Variants in SDK2 observed in about 807,000 individuals in gnomAD.
The protein encoded by SDK2 is protein sidekick-2.
SDK2 carries 105 observed loss-of-function variants against 253.9 expected under a neutral mutation model. That is an observed-to-expected ratio of 0.41 (90% confidence interval 0.35 to 0.49). The LOEUF (loss-of-function observed/expected upper bound fraction) is 0.49, where lower values mean the gene tolerates loss of function less well. Among genes scored for constraint, SDK2 ranks in the 20% least tolerant of loss-of-function variants. SDK2 has a pLI of 0.06. For missense variants in SDK2, 2,608 were observed against 3,003.0 expected (o/e 0.87, Z 3.07); for synonymous variants, 1,249 against 1,234.9 (o/e 1.01, Z -0.24).
At chr17:73,355,174 A>ATATTT in intron 40 of SDK2, among the ~76,000 whole-genome samples, 1 of 47,240 alleles carries the variant, frequency 2.1e-5, no homozygotes, top group Non-Finnish European at 3.4e-5. Context: ...ATATATATAT[A>ATATTT]TTTTTTTTTT....
intron 18 of SDK2, among the ~76,000 whole-genome samples, chr17:73,408,393 TTTTA>T (rs1210600246): frequency 1.0e-4 from 2 of 19,682 alleles, no homozygotes; most frequent in Non-Finnish European, 1.8e-4. Flanking sequence ...ATTTTTTTTT[TTTTA>T]ATATTTTTAG....
At chr17:73,420,334 C>T (rs376861129) in intron 15 of SDK2, among the ~76,000 whole-genome samples, 3 of 152,210 alleles carry the variant, frequency 2.0e-5, no homozygotes, top group East Asian at 1.9e-4. Context: ...GCATGCTGCT[C>T]GCTCCCGTGT....
intron 12 of SDK2, among the ~76,000 whole-genome samples, chr17:73,428,028 T>G (rs1021869582): frequency 2.0e-5 from 3 of 152,160 alleles, no homozygotes; most frequent in Non-Finnish European, 4.4e-5. Context: ...GATTAAAAAA[T>G]AGTCATTGAC....
intron 1 of SDK2, among the ~76,000 whole-genome samples, chr17:73,559,454 G>T (rs150886775): frequency 3.9e-5 from 6 of 152,142 alleles, no homozygotes; most frequent in Admixed American, 1.3e-4. Context: ...TCTTTTTGCG[G>T]GCTCTTGAGA....
intron 36 of SDK2, among the ~76,000 whole-genome samples, chr17:73,378,283 G>C (rs1277226703): frequency 6.6e-6 from 1 of 151,482 alleles, no homozygotes; most frequent in African/African-American, 2.4e-5. Context: ...ATTTTTTTTT[G>C]TAGAGTCAGG....
chr17:73,392,681 T>C (rs959405835), intron 27 of SDK2, among the ~76,000 whole-genome samples: 6 of 152,174 alleles, frequency 3.9e-5, no homozygotes, highest in Non-Finnish European at 8.8e-5. Context: ...AATGTTAGCA[T>C]ATGCAAACAT....
At chr17:73,468,588 T>C (rs1321462896) in intron 3 of SDK2, among the ~76,000 whole-genome samples, 1 of 152,148 alleles carries the variant, frequency 6.6e-6, no homozygotes, top group African/African-American at 2.4e-5. Flanking sequence ...CTCAGCTCAC[T>C]GCAACCTCCG....
Position 73,368,536 on chromosome 17 carries a change from G to A in SDK2, c.5038C>T (p.Leu1680=), listed in dbSNP as rs774560755. The A allele has an allele frequency of 2.5e-6, 4 of 1,609,202 alleles. No homozygotes were observed. The African/African-American group carries it at 4.0e-5, about 16-fold the overall frequency. ...NLTERVKTLF[L]AENSVKLKNL... ...TTGAGCTTCACGCTGTTCTCAGCCAGGAAAAGCGTCTTCACTCGCTCTGTG... is the reference window on the plus strand; with the variant it reads ...TTGAGCTTCACGCTGTTCTCAGCCAAGAAAAGCGTCTTCACTCGCTCTGTG... The change falls in exon 37 of 45, where the codon CTG becomes TTG. Residue 1680 remains leucine, a synonymous_variant. Transcript: ENST00000392650.
chr17:73,377,420 T>C (rs1370870223), intron 36 of SDK2, among the ~76,000 whole-genome samples: 2 of 151,432 alleles, frequency 1.3e-5, no homozygotes, highest in African/African-American at 2.4e-5. Flanking sequence ...GGTTTCACCA[T>C]GTTGGTCAGG....
intron 2 of SDK2, among the ~76,000 whole-genome samples, chr17:73,498,249 A>C (rs2063859382): frequency 6.6e-6 from 1 of 152,102 alleles, no homozygotes; most frequent in South Asian, 2.1e-4. Flanking sequence ...GTTTGTCCAC[A>C]CTACTCAAGT....
Position 73,390,435 on chromosome 17 carries a change from G to T in SDK2, c.4044C>A (p.Ala1348=), listed in dbSNP as rs756355073. The stretch of plus-strand genomic sequence containing the variant: ...CGCTGGGTGCCAGCACCTCCACAGT[G>T]GCGGTGTTGGCCGTGGTGGTGTTGA... ...HRLNTTTANT[A]TVEVLAPSAR... is the part of the protein sequence containing the mutation. The change falls in exon 29 of 45, where the codon GCC becomes GCA. Residue 1348 remains alanine (A), a synonymous_variant. Transcript: ENST00000392650. 2.5e-6 allele frequency: 4 copies of T among 1,612,514 alleles called. No homozygotes were observed. Among genetic ancestry groups the T allele is most frequent in the Non-Finnish European group, 3.4e-6 (4 of 1,179,358 alleles).
chr17:73,458,943 G>T (rs984087643), intron 3 of SDK2, among the ~76,000 whole-genome samples: 4 of 152,220 alleles, frequency 2.6e-5, no homozygotes, highest in Non-Finnish European at 5.9e-5. Flanking sequence ...GGCGGAGGTT[G>T]CGGTGAGCCG....
At chr17:73,486,326 A>G (rs1421875605) in intron 2 of SDK2, among the ~76,000 whole-genome samples, 3 of 152,260 alleles carry the variant, frequency 2.0e-5, no homozygotes, top group Middle Eastern at 6.8e-3. Flanking sequence ...GGAGAAGTAG[A>G]GGCTGAGAGC....
intron 1 of SDK2, among the ~76,000 whole-genome samples, chr17:73,581,498 G>C (rs534170917): frequency 6.6e-6 from 1 of 152,350 alleles, no homozygotes; most frequent in African/African-American, 2.4e-5. Flanking sequence ...GCCCCAGCTT[G>C]GCTGTGATAA....
At chr17:73,598,258 G>A (rs371425736) in intron 1 of SDK2, among the ~76,000 whole-genome samples, 1 of 152,178 alleles carries the variant, frequency 6.6e-6, no homozygotes, top group Admixed American at 6.5e-5. Context: ...TGCTGGGTTT[G>A]GGAGACTCGG....
At chr17:73,366,563 G>C (rs1180482736) in intron 37 of SDK2, among the ~76,000 whole-genome samples, 1 of 152,180 alleles carries the variant, frequency 6.6e-6, no homozygotes, top group Non-Finnish European at 1.5e-5. Context: ...AGATGCTCAA[G>C]GGAGGCCGGG....
chr17:73,540,182 G>A (rs2044845415), intron 1 of SDK2, among the ~76,000 whole-genome samples: 1 of 152,196 alleles, frequency 6.6e-6, no homozygotes, highest in South Asian at 2.1e-4. Context: ...ACTGGAAGCT[G>A]GAAGAGGTGG....
At chr17:73,623,877 A>T (rs1209407529) in intron 1 of SDK2, among the ~76,000 whole-genome samples, 2 of 152,194 alleles carry the variant, frequency 1.3e-5, no homozygotes, top group Admixed American at 1.3e-4. Context: ...CCCCCTCCAG[A>T]GAATTTTCTG....
At chr17:73,391,258 G>A (rs552039887) in intron 28 of SDK2, among the ~76,000 whole-genome samples, 182 bp downstream of exon 28, 10 of 152,302 alleles carry the variant, frequency 6.6e-5, no homozygotes, top group Non-Finnish European at 8.8e-5. Context: ...CTTGCCCTCC[G>A]GAAGATAATC....
Sources: allele counts gnomAD v4.1 joint callset (sites outside exome capture counted in the v4.1 genomes callset), GRCh38; gene constraint gnomAD v4.1.1; transcripts MANE v1.5; gene names NCBI Gene and HGNC (gene_info 2026-07-23, HGNC 2026-07-21).